PPP2R5C: variants seen among roughly 807,000 people sequenced by gnomAD.
The protein encoded by PPP2R5C is serine/threonine-protein phosphatase 2A 56 kDa regulatory subunit gamma isoform.
In PPP2R5C, 7 loss-of-function variants were observed where a neutral mutation model predicts 68.9. That is an observed-to-expected ratio of 0.10 (90% CI 0.06 to 0.19). The LOEUF (loss-of-function observed/expected upper bound fraction) is 0.19. PPP2R5C is among the 10% of genes least tolerant of loss of function. The probability of loss-of-function intolerance (pLI) is 1.00; values close to 1 mark genes in which losing one functional copy is unlikely to be tolerated. For missense variants in PPP2R5C, 348 were observed against 641.3 expected (o/e 0.54, Z 4.94); for synonymous variants, 210 against 222.2 (o/e 0.95, Z 0.49).
At chr14:101,820,327 GA>G (rs1242053387) in intron 1 of PPP2R5C, 3 of 152,188 alleles carry the variant, frequency 2.0e-5, no homozygotes, top group Non-Finnish European at 4.4e-5. Flanking sequence ...CTTCTGCTGA[GA>G]GGGGTGGTGA....
At chr14:101,801,254 T>C (rs2140139384) in intron 3 of PPP2R5C, among the ~76,000 whole-genome samples, 1 of 152,322 alleles carries the variant, frequency 6.6e-6, no homozygotes, top group Middle Eastern at 3.4e-3. Context: ...CTGGAGGTGA[T>C]AGGTATCCCA....
In PPP2R5C at chr14:101,797,114, T is replaced by C; in HGVS notation, c.259+10931T>C. 2.2e-6 allele frequency: 1 copy of C among 455,320 alleles called. No homozygotes were observed. Among genetic ancestry groups the C allele is most frequent in the South Asian group, 1.5e-5 (1 of 64,554 alleles). The allele number at this position is 455,320 out of a possible 1,614,324, so 28.2% of individuals were successfully genotyped here. A position where few individuals can be genotyped will look rare whatever the true frequency, so the allele number is the denominator to read the frequency against. ...GTCTCCCCATTCTGCTTTCTGTCTC[T>C]ATGATTTTGCCCACAGTAGGAGCCT... On this transcript the variant is annotated intron_variant, in intron 3 of 14. Transcript: ENST00000328724. This position sits in a 1 kb window ranked among gnomAD's most constrained non-coding sequence, Gnocchi z 4.2.
intron 1 of PPP2R5C, among the ~76,000 whole-genome samples, chr14:101,841,681 A>C (rs913884043): frequency 2.0e-5 from 3 of 152,200 alleles, no homozygotes; most frequent in Non-Finnish European, 2.9e-5. Context: ...CGCAGACACA[A>C]AAGCCGTAGA....
chr14:101,794,368 T>C (rs2038511250), intron 3 of PPP2R5C, among the ~76,000 whole-genome samples: 1 of 152,228 alleles, frequency 6.6e-6, no homozygotes, highest in Non-Finnish European at 1.5e-5. Flanking sequence ...AATTGACCCA[T>C]AGTCATTGCA....
chr14:101,857,397 T>A (rs926078745), intron 2 of PPP2R5C, among the ~76,000 whole-genome samples: 10 of 152,144 alleles, frequency 6.6e-5, no homozygotes, highest in Middle Eastern at 3.2e-3. Flanking sequence ...GGACAGCCCA[T>A]GCTGATTGGC....
chr14:101,913,318 T>C lies in PPP2R5C; in HGVS notation c.1326+845T>C, dbSNP rs1265395520. On this transcript the variant is annotated intron_variant, in intron 12 of 13. Transcript: ENST00000334743. This position sits in a 1 kb window ranked among gnomAD's most constrained non-coding sequence, Gnocchi z 4.1. ...ACAATGTATTTCTTTTAGTGAGAGA[T>C]ATGCATAGTTACCTAAGTTGGTTTT... Among the ~76,000 whole-genome samples the C allele has an allele frequency of 6.6e-6, 1 of 152,256 alleles. No individual in the cohort carries two copies. Among genetic ancestry groups the C allele is most frequent in the Non-Finnish European group, 1.5e-5 (1 of 68,042 alleles).
chr14:101,850,157 G>T (rs965329614), intron 1 of PPP2R5C, among the ~76,000 whole-genome samples: 1 of 152,192 alleles, frequency 6.6e-6, no homozygotes, highest in African/African-American at 2.4e-5. Flanking sequence ...AGTCGGGGAT[G>T]GGTGCAAGGG....
chr14:101,923,518 C>T (rs1271692080), intron 13 of PPP2R5C, among the ~76,000 whole-genome samples: 1 of 152,180 alleles, frequency 6.6e-6, no homozygotes, highest in African/African-American at 2.4e-5. Context: ...TGCTTTACAT[C>T]CTCACACGTT....
Position 101,906,560 on chromosome 14 carries a change from G to C in PPP2R5C, c.1151+31G>C. 6.3e-7 allele frequency: 1 copy of C among 1,575,270 alleles called. No homozygotes were observed. The highest frequency in any genetic ancestry group is 8.6e-7 in the Non-Finnish European group (1 of 1,163,528). On this transcript the variant is annotated intron_variant, in intron 10 of 13. Coordinates refer to ENST00000334743, the Ensembl canonical transcript of PPP2R5C. This position sits in a 1 kb window ranked among gnomAD's most constrained non-coding sequence, Gnocchi z 4.0. ...AAAGAACTGGCTGCCATCTTTTTCAGTCATTTTAAAATATGGCACGTTTTA... is the reference window on the plus strand; with the variant it reads ...AAAGAACTGGCTGCCATCTTTTTCACTCATTTTAAAATATGGCACGTTTTA...
intron 2 of PPP2R5C, among the ~76,000 whole-genome samples, chr14:101,864,506 C>T (rs2042940270): frequency 6.6e-6 from 1 of 152,152 alleles, no homozygotes; most frequent in South Asian, 2.1e-4. Flanking sequence ...CGTAATGATA[C>T]GAGGGCCAAG....
At chr14:101,816,899 A>AATATAT in intron 1 of PPP2R5C, among the ~76,000 whole-genome samples, 1 of 127,114 alleles carries the variant, frequency 7.9e-6, no homozygotes, top group East Asian at 2.1e-4. Flanking sequence ...ATATTATATA[A>AATATAT]ATATATATAT....
intron 2 of PPP2R5C, among the ~76,000 whole-genome samples, chr14:101,858,515 G>GTT (rs113313348): frequency 4.7e-5 from 7 of 148,250 alleles, no homozygotes; most frequent in African/African-American, 1.5e-4. Flanking sequence ...TTTGTTTTTT[G>GTT]TTTTTTTTTA....
At chr14:101,762,258 G>A (rs2036588022) in intron 1 of PPP2R5C, among the ~76,000 whole-genome samples, 3 of 152,134 alleles carry the variant, frequency 2.0e-5, no homozygotes, top group African/African-American at 7.2e-5. Context: ...GTGGGCTTGG[G>A]CGGGCAGGTG....
At chr14:101,804,744 G>T (rs1334033225) in intron 3 of PPP2R5C, among the ~76,000 whole-genome samples, 1 of 152,160 alleles carries the variant, frequency 6.6e-6, no homozygotes, top group East Asian at 1.9e-4. Context: ...GGGTTGGCGG[G>T]GGGGATGGTC....
At chr14:101,907,833 G>A (rs578259613) in intron 10 of PPP2R5C, among the ~76,000 whole-genome samples, 2 of 152,318 alleles carry the variant, frequency 1.3e-5, no homozygotes, top group East Asian at 3.9e-4. Flanking sequence ...GCTCGAGGCT[G>A]CAGGTGGCAC....
At chr14:101,874,284 T>C (rs2140816105) in intron 2 of PPP2R5C, among the ~76,000 whole-genome samples, 1 of 152,326 alleles carries the variant, frequency 6.6e-6, no homozygotes, top group Non-Finnish European at 1.5e-5. Context: ...CTAAACTTTC[T>C]CATACCTTAC....
At chr14:101,837,103 A>G (rs1198087291) in intron 1 of PPP2R5C, among the ~76,000 whole-genome samples, 1 of 152,182 alleles carries the variant, frequency 6.6e-6, no homozygotes, top group Non-Finnish European at 1.5e-5. Flanking sequence ...ATGGCTGGAA[A>G]ACAAATGCTC....
chr14:101,801,989 G>A (rs1382721395), intron 3 of PPP2R5C, among the ~76,000 whole-genome samples: 3 of 152,164 alleles, frequency 2.0e-5, no homozygotes, highest in Non-Finnish European at 2.9e-5. Flanking sequence ...GCATAAAGAT[G>A]AGCCCAGAAA....
chr14:101,905,255 CAGGT>C (rs1220211651), intron 9 of PPP2R5C, among the ~76,000 whole-genome samples: 8 of 152,036 alleles, frequency 5.3e-5, no homozygotes, highest in Non-Finnish European at 8.8e-5. Flanking sequence ...TCAGGAGGCT[CAGGT>C]AGGAGAATCG....
Sources: allele counts gnomAD v4.1 joint callset (sites outside exome capture counted in the v4.1 genomes callset), GRCh38; gene constraint gnomAD v4.1.1; non-coding constraint Gnocchi (gnomAD v3.1); transcripts MANE v1.5; gene names NCBI Gene and HGNC (gene_info 2026-07-23, HGNC 2026-07-21).